Variants in PPIL2 observed in about 807,000 individuals in gnomAD.
PPIL2 encodes the protein RING-type E3 ubiquitin-protein ligase PPIL2.
In PPIL2, 50 loss-of-function variants were observed where a neutral mutation model predicts 75.2. The ratio of observed to expected loss-of-function variants is 0.66; its 90% CI spans 0.53 to 0.84. The LOEUF is 0.84. Among genes scored for constraint, PPIL2 ranks in the 40% least tolerant of loss-of-function variants. PPIL2 has a pLI of 0.00. For synonymous variants in PPIL2, 245 were observed against 258.8 expected, an observed-to-expected ratio of 0.95 and a Z score of 0.51; for missense variants, 590 against 685.0, an observed-to-expected ratio of 0.86 and a Z score of 1.55.
At chr22:21,678,959 T>A (rs1218239928) in intron 6 of PPIL2, among the ~76,000 whole-genome samples, 2 of 149,258 alleles carry the variant, frequency 1.3e-5, no homozygotes, top group African/African-American at 5.0e-5. Context: ...TGCAATGGCG[T>A]GATCTCGGCT....
intron 5 of PPIL2, 110 bp downstream of exon 5, chr22:21,672,491 T>C (rs1355274978): frequency 8.2e-6 from 9 of 1,103,622 alleles, no homozygotes; most frequent in Non-Finnish European, 1.2e-5. Flanking sequence ...GAACCGTTCA[T>C]GGGGCCCAGT....
At chr22:21,674,043 G>A (rs1669123) in intron 5 of PPIL2, among the ~76,000 whole-genome samples, 17,485 of 152,244 alleles carry the variant, frequency 0.11, 1,338 homozygotes, top group Non-Finnish European at 0.16. Context: ...CCCACGGAGG[G>A]CGGGGAGGGC....
At chr22:21,689,654 C>T (rs914191999) in intron 15 of PPIL2, among the ~76,000 whole-genome samples, 2 of 152,112 alleles carry the variant, frequency 1.3e-5, no homozygotes, top group African/African-American at 4.8e-5. Context: ...TCTCTGCTTC[C>T]CTGGTGTGCA....
At chr22:21,670,708 G>A in intron 3 of PPIL2, 97 bp downstream of exon 3, 2 of 1,346,044 alleles carry the variant, frequency 1.5e-6, no homozygotes, top group African/African-American at 1.4e-5. Flanking sequence ...ATGCGTAAAA[G>A]TGTGCCTTGA....
intron 1 of PPIL2, among the ~76,000 whole-genome samples, chr22:21,666,984 G>A (rs1023078135): frequency 3.9e-3 from 68 of 17,330 alleles, no homozygotes; most frequent in African/African-American, 0.015. Context: ...CAGAACTGTT[G>A]GGCTTCTCAA....
chr22:21,688,754 G>T lies in PPIL2; in HGVS notation c.1044G>T (p.Lys348Asn), dbSNP rs752628544. 2 of 1,614,200 alleles carry T rather than the reference G, an allele frequency of 1.2e-6. No homozygotes were observed. Among genetic ancestry groups the T allele is most frequent in the Admixed American group, 3.3e-5 (2 of 60,030 alleles). The change falls in exon 15 of 20, where the codon AAG becomes AAT. Residue 348 changes from lysine (K) to asparagine (N), a missense_variant. By Grantham distance (94) the Lys-to-Asn change is moderately conservative (BLOSUM62 0). Coordinates refer to ENST00000398831, the MANE Select transcript of PPIL2 (RefSeq NM_014337.4). ...CAGGTGGGGAGTCATACTGGGGGAA[G>T]CCCTTCAAAGACGAGTTCCGGCCCA... The part of the protein sequence containing the change: ...TGTGGESYWG[K>N]PFKDEFRPNL...
rs946601177 is a variant in PPIL2 at position 21,686,683 on chromosome 22, C to G, written c.790+125C>G. On this transcript the variant is annotated intron_variant, in intron 11 of 19. Coordinates refer to ENST00000398831, the MANE Select transcript of PPIL2 (RefSeq NM_014337.4). The stretch of plus-strand genomic sequence containing the variant: ...CCCACTGTCACCTGAGCCCCTAGTC[C>G]TCCCCCTCTTAGCTGCTGAACCCCT... 72 of 1,112,494 alleles carry G rather than the reference C, an allele frequency of 6.5e-5. 1 individual carries two copies. The Middle Eastern group carries it at 1.0e-3, about 16-fold the overall frequency. 68.9% of individuals were successfully genotyped at this position (1,112,494 alleles called of 1,614,324 possible). A position where few individuals can be genotyped will look rare whatever the true frequency, so the allele number is the denominator to read the frequency against.
intron 6 of PPIL2, among the ~76,000 whole-genome samples, chr22:21,676,909 G>T (rs1468309984): frequency 5.8e-4 from 88 of 152,072 alleles, no homozygotes; most frequent in African/African-American, 2.1e-3. Flanking sequence ...GGGCAGAGGG[G>T]CTCCTCACTT....
intron 7 of PPIL2, 104 bp downstream of exon 7, chr22:21,681,494 CGTG>C: frequency 9.6e-7 from 1 of 1,042,774 alleles, no homozygotes; most frequent in Non-Finnish European, 1.4e-6. Context: ...GGCCTGTCCT[CGTG>C]GGGTTTACAG....
chr22:21,679,662 C>A (rs944535185), intron 6 of PPIL2, among the ~76,000 whole-genome samples: 5 of 151,296 alleles, frequency 3.3e-5, no homozygotes, highest in African/African-American at 1.2e-4. Flanking sequence ...GTCTCAAACT[C>A]CTGACCTCAA....
chr22:21,672,519 C>G, intron 5 of PPIL2, 138 bp downstream of exon 5: 1 of 793,906 alleles, frequency 1.3e-6, no homozygotes, highest in East Asian at 2.6e-5. Flanking sequence ...GACAGTCTTC[C>G]CCTCCTCTCC....
rs539112265 is a variant in PPIL2 at position 21,674,044 on chromosome 22, C to T, written c.244-1020C>T. 1.2e-4 allele frequency among the ~76,000 whole-genome samples: 18 copies of T among 152,270 alleles called. No homozygotes were observed. In the South Asian group the frequency reaches 3.7e-3, roughly 32 times the overall value. On this transcript the variant is annotated intron_variant, in intron 5 of 19. Transcript: ENST00000398831. ...AGCAGCAGGCAGGGCCCACGGAGGGCGGGGAGGGCAGCTTAAGGACCTGCT... is the reference window on the plus strand; with the variant it reads ...AGCAGCAGGCAGGGCCCACGGAGGGTGGGGAGGGCAGCTTAAGGACCTGCT...
chr22:21,688,276 T>C (rs1805284063), intron 14 of PPIL2, among the ~76,000 whole-genome samples, 170 bp downstream of exon 14: 1 of 152,136 alleles, frequency 6.6e-6, no homozygotes, highest in Admixed American at 6.5e-5. Context: ...CTCAGTTTTC[T>C]CATTTCCAGG....
At chr22:21,681,146 C>T (rs2067112176) in intron 6 of PPIL2, among the ~76,000 whole-genome samples, 153 bp from the exon 7 acceptor site, 1 of 152,164 alleles carries the variant, frequency 6.6e-6, no homozygotes, top group African/African-American at 2.4e-5. Flanking sequence ...GCAGCTGTCC[C>T]CATGGTTCCC....
chr22:21,695,839 T>A lies in PPIL2; in HGVS notation c.*349T>A, dbSNP rs2067904515. On this transcript the variant is annotated 3_prime_UTR_variant, in exon 20 of 20. Transcript: ENST00000398831. ...TGTCTCCAGATTGTGGTTTCCTCTT[T>A]AAGACAGGGTCTTGCTCTGTTGCCC... is the stretch of plus-strand genomic sequence containing the variant. 2 of 1,157,560 alleles carry A rather than the reference T, an allele frequency of 1.7e-6. No homozygotes were observed. The highest frequency in any genetic ancestry group is 3.8e-5 in the South Asian group (2 of 52,796). The allele number at this position is 1,157,560 out of a possible 1,614,324, so 71.7% of individuals were successfully genotyped here.
At chr22:21,682,633 A>AGGAC in intron 8 of PPIL2, 107 bp downstream of exon 8, 1 of 587,658 alleles carries the variant, frequency 1.7e-6, no homozygotes, top group Non-Finnish European at 2.5e-6. Context: ...TCTGTCCTCA[A>AGGAC]AGCCACCTGA....
chr22:21,692,365 AGG>A (rs2067699113), intron 15 of PPIL2, among the ~76,000 whole-genome samples: 3 of 151,272 alleles, frequency 2.0e-5, no homozygotes, highest in Admixed American at 1.3e-4. Context: ...CGTGTTAGCG[AGG>A]ATGGTCTCGA....
intron 2 of PPIL2, chr22:21,670,305 A>T: frequency 6.7e-7 from 1 of 1,488,592 alleles, no homozygotes; most frequent in Non-Finnish European, 9.0e-7. Context: ...TCAGCTGTCA[A>T]AACTATCAAG....
rs1321126297 is a variant in PPIL2, at chr22:21,695,573, C to G, written c.*83C>G. The G allele has an allele frequency of 1.3e-6, 2 of 1,535,372 alleles. No individual in the cohort carries two copies. Among genetic ancestry groups the G allele is most frequent in the Non-Finnish European group, 1.8e-6 (2 of 1,139,548 alleles). On this transcript the variant is annotated 3_prime_UTR_variant, in exon 20 of 20. Coordinates refer to ENST00000398831, the MANE Select transcript of PPIL2 (RefSeq NM_014337.4). ...CATCTCCATTTCCAGCCTTTCTAGCCTGCCCTCTGCTGCCAGCCAATAAAT... is the reference window on the plus strand; with the variant it reads ...CATCTCCATTTCCAGCCTTTCTAGCGTGCCCTCTGCTGCCAGCCAATAAAT...
Sources: allele counts gnomAD v4.1 joint callset (sites outside exome capture counted in the v4.1 genomes callset), GRCh38; gene constraint gnomAD v4.1.1; transcripts MANE v1.5; gene names NCBI Gene and HGNC (gene_info 2026-07-23, HGNC 2026-07-21).